Variants in ROR1 observed in about 807,000 individuals in gnomAD.
ROR1 encodes the protein inactive tyrosine-protein kinase transmembrane receptor ROR1.
ROR1 carries 19 observed loss-of-function variants against 78.8 expected under a neutral mutation model. The observed-to-expected ratio is 0.24, with a 90% CI of 0.17 to 0.35. The LOEUF (loss-of-function observed/expected upper bound fraction) is 0.35, where lower values mean the gene tolerates loss of function less well. Among genes scored for constraint, ROR1 ranks in the 10% least tolerant of loss-of-function variants. The pLI, the probability that ROR1 is intolerant of heterozygous loss-of-function variation, is 1.00. For missense variants in ROR1, 917 were observed against 1,177.8 expected (o/e 0.78, Z 3.24); for synonymous variants, 386 against 433.6 (o/e 0.89, Z 1.36).
At chr1:63,839,304 T>G (rs1479148736) in intron 1 of ROR1, among the ~76,000 whole-genome samples, 1 of 152,174 alleles carries the variant, frequency 6.6e-6, no homozygotes, top group African/African-American at 2.4e-5. Context: ...TAAGAGGAGC[T>G]GTTCTGTAAT....
At chr1:64,051,872 A>T (rs1425703262) in intron 4 of ROR1, among the ~76,000 whole-genome samples, 1 of 152,256 alleles carries the variant, frequency 6.6e-6, no homozygotes, top group Non-Finnish European at 1.5e-5. Context: ...CAAATATAAC[A>T]GCCACTTAAT....
At chr1:64,039,338 T>A (rs766787410) in intron 2 of ROR1, among the ~76,000 whole-genome samples, 1 of 152,162 alleles carries the variant, frequency 6.6e-6, no homozygotes, top group Non-Finnish European at 1.5e-5. Flanking sequence ...TTAACCAAGA[T>A]GTGACTTTAG....
chr1:64,096,163 T>G (rs1203934127), intron 4 of ROR1, among the ~76,000 whole-genome samples: 1 of 152,126 alleles, frequency 6.6e-6, no homozygotes, highest in African/African-American at 2.4e-5. Context: ...TTCTGAAAAT[T>G]TTGGCAAAAT....
chr1:64,060,955 G>C (rs545091318), intron 4 of ROR1, among the ~76,000 whole-genome samples: 33 of 152,288 alleles, frequency 2.2e-4, no homozygotes, highest in South Asian at 4.1e-4. Flanking sequence ...ATATTGGCAA[G>C]GGGTATCTTT....
In ROR1 at chr1:64,172,135, A is replaced by G. The variant is rs371290047; in HGVS notation, c.1387-5293A>G. ...TTTCATATCTAAAGTTAAGAGATCTAAAAGTTCCCCCACATCCCCACTTAG... is the reference window on the plus strand; with the variant it reads ...TTTCATATCTAAAGTTAAGAGATCTGAAAGTTCCCCCACATCCCCACTTAG... On this transcript the variant is annotated intron_variant, in intron 8 of 8. Transcript: ENST00000371079. 5.9e-5 allele frequency among the ~76,000 whole-genome samples: 9 copies of G among 152,314 alleles called. No homozygotes were observed. In the East Asian group the frequency reaches 1.7e-3, roughly 29 times the overall value.
chr1:63,866,029 C>T (rs1645213416), intron 1 of ROR1, among the ~76,000 whole-genome samples: 1 of 152,088 alleles, frequency 6.6e-6, no homozygotes, highest in African/African-American at 2.4e-5. Context: ...AATTTTCCTT[C>T]TCTTCCTTGA....
chr1:64,097,256 T>A lies in ROR1; in HGVS notation c.483-40113T>A, dbSNP rs549995964. Among the ~76,000 whole-genome samples the A allele has an allele frequency of 3.7e-3, 569 of 152,128 alleles. 6 individuals carry two copies. The highest frequency in any genetic ancestry group is 5.1e-3 in the Non-Finnish European group (346 of 67,994). ...GCTAGCAGCCCTCTTCCAAATTCAGTCAGCAACAGACAGTGGAATCCTTCT... is the reference window on the plus strand; with the variant it reads ...GCTAGCAGCCCTCTTCCAAATTCAGACAGCAACAGACAGTGGAATCCTTCT... On this transcript the variant is annotated intron_variant, in intron 4 of 8. Coordinates refer to ENST00000371079, the MANE Select transcript of ROR1 (RefSeq NM_005012.4).
intron 1 of ROR1, among the ~76,000 whole-genome samples, chr1:63,886,873 G>A (rs1645360946): frequency 6.6e-6 from 1 of 152,186 alleles, no homozygotes; most frequent in South Asian, 2.1e-4. Context: ...AGGCAGGTGG[G>A]ATAGGAATGG....
chr1:64,142,675 T>C, intron 7 of ROR1, 25 bp downstream of exon 7: 3 of 1,612,588 alleles, frequency 1.9e-6, no homozygotes, highest in African/African-American at 1.3e-5. Context: ...TTGCCCCTAA[T>C]GTATTCAATC....
chr1:64,025,682 C>T (rs1646603354), intron 2 of ROR1, among the ~76,000 whole-genome samples: 1 of 151,692 alleles, frequency 6.6e-6, no homozygotes. Context: ...TACTTCTCAG[C>T]CATAAAAAGG....
chr1:63,807,528 T>TA (rs1376210315), intron 1 of ROR1, among the ~76,000 whole-genome samples: 2 of 152,222 alleles, frequency 1.3e-5, no homozygotes, highest in Non-Finnish European at 2.9e-5. Context: ...ATGAGCCAAG[T>TA]AATGTCATTC....
intron 4 of ROR1, among the ~76,000 whole-genome samples, chr1:64,104,781 G>T (rs552137576): frequency 6.6e-6 from 1 of 152,188 alleles, no homozygotes; most frequent in African/African-American, 2.4e-5. Flanking sequence ...ACCCTGCAAA[G>T]GGCATGATCT....
At chr1:63,961,634 A>AG (rs1435964413) in intron 1 of ROR1, among the ~76,000 whole-genome samples, 1 of 152,216 alleles carries the variant, frequency 6.6e-6, no homozygotes, top group African/African-American at 2.4e-5. Flanking sequence ...AGCTAAAAAA[A>AG]GTTGATCTCT....
chr1:64,163,680 C>T (rs1382257456), intron 8 of ROR1, among the ~76,000 whole-genome samples: 2 of 152,188 alleles, frequency 1.3e-5, no homozygotes, highest in Non-Finnish European at 2.9e-5. Context: ...TTCATCTCTC[C>T]GTTTTCCTTT....
At chr1:64,114,214 G>A (rs894688789) in intron 4 of ROR1, among the ~76,000 whole-genome samples, 28 of 152,192 alleles carry the variant, frequency 1.8e-4, no homozygotes, top group African/African-American at 5.8e-4. Flanking sequence ...TCTTAGAGCT[G>A]CTTGAGGCCA....
chr1:64,079,895 T>C (rs1175217179), intron 4 of ROR1, among the ~76,000 whole-genome samples: 1 of 152,122 alleles, frequency 6.6e-6, no homozygotes, highest in Non-Finnish European at 1.5e-5. Flanking sequence ...CATGCTCTAG[T>C]TTGAGAAAAA....
At chr1:64,173,754 G>A (rs1650304949) in intron 8 of ROR1, among the ~76,000 whole-genome samples, 1 of 152,166 alleles carries the variant, frequency 6.6e-6, no homozygotes, top group Non-Finnish European at 1.5e-5. Flanking sequence ...AAGCCCCAAG[G>A]CCATGTGTAG....
At chr1:64,176,603 G>A (rs1055420161) in intron 8 of ROR1, among the ~76,000 whole-genome samples, 1 of 152,196 alleles carries the variant, frequency 6.6e-6, no homozygotes, top group Non-Finnish European at 1.5e-5. Context: ...CCACCACACT[G>A]CTTTGTGTAT....
At chr1:64,169,098 A>C (rs899794351) in intron 8 of ROR1, among the ~76,000 whole-genome samples, 1 of 152,338 alleles carries the variant, frequency 6.6e-6, no homozygotes, top group Non-Finnish European at 1.5e-5. Flanking sequence ...AAGTCAGCCC[A>C]TAGGGAATAC....
Sources: gnomAD v4.1 joint callset for allele counts (sites outside exome capture counted in the v4.1 genomes callset) on GRCh38, gnomAD v4.1.1 for gene constraint, MANE v1.5 for transcripts, NCBI Gene and HGNC (gene_info 2026-07-23, HGNC 2026-07-21) for gene names.